CACNA2D3: variants seen among roughly 807,000 people sequenced by gnomAD.
The protein encoded by CACNA2D3 is voltage-dependent calcium channel subunit alpha-2/delta-3.
In CACNA2D3, 60 loss-of-function variants were observed where a neutral mutation model predicts 160.6. That is an observed-to-expected ratio of 0.37 (90% CI 0.30 to 0.46). The LOEUF is 0.46. CACNA2D3 is among the 20% of genes least tolerant of loss of function. The pLI, the probability that CACNA2D3 is intolerant of heterozygous loss-of-function variation, is 1.00. For synonymous variants in CACNA2D3, 558 were observed against 492.9 expected (o/e 1.13, Z -1.75); for missense variants, 1,205 against 1,365.0 (o/e 0.88, Z 1.85).
chr3:54,776,620 G>A (rs1164660823), intron 13 of CACNA2D3, among the ~76,000 whole-genome samples: 1 of 152,210 alleles, frequency 6.6e-6, no homozygotes, highest in Non-Finnish European at 1.5e-5. Context: ...AGAGTCTGAA[G>A]GAGTTGGCAT....
chr3:54,527,134 T>C (rs993514371), intron 5 of CACNA2D3, among the ~76,000 whole-genome samples: 1 of 152,218 alleles, frequency 6.6e-6, no homozygotes, highest in Non-Finnish European at 1.5e-5. Context: ...TATGTCCTCC[T>C]CCCAGCTGTC....
intron 2 of CACNA2D3, among the ~76,000 whole-genome samples, chr3:54,313,460 C>T (rs1331238878): frequency 1.3e-5 from 2 of 152,148 alleles, no homozygotes; most frequent in Non-Finnish European, 2.9e-5. Flanking sequence ...CTCCTACCCT[C>T]AACACCCCTG....
intron 26 of CACNA2D3, among the ~76,000 whole-genome samples, chr3:54,897,233 G>T (rs769161294): frequency 6.6e-6 from 1 of 152,096 alleles, no homozygotes; most frequent in Non-Finnish European, 1.5e-5. Context: ...TCACATCCCT[G>T]CAGAGGTCCA....
intron 3 of CACNA2D3, among the ~76,000 whole-genome samples, chr3:54,369,906 C>T (rs987832592): frequency 1.3e-5 from 2 of 152,146 alleles, no homozygotes; most frequent in East Asian, 1.9e-4. Context: ...GTGCAGACTG[C>T]GATAAGTAAT....
intron 17 of CACNA2D3, among the ~76,000 whole-genome samples, chr3:54,856,518 T>C (rs559672071): frequency 2.6e-5 from 4 of 152,292 alleles, no homozygotes; most frequent in Admixed American, 1.3e-4. Flanking sequence ...GTTGAACACC[T>C]GTCATGTGGC....
At chr3:54,862,930 A>C (rs1012306672) in intron 17 of CACNA2D3, among the ~76,000 whole-genome samples, 3 of 152,236 alleles carry the variant, frequency 2.0e-5, no homozygotes, top group African/African-American at 7.2e-5. Context: ...CTCATATTCA[A>C]AACGGTCTGA....
chr3:54,635,411 C>T (rs891579771), intron 10 of CACNA2D3, among the ~76,000 whole-genome samples: 5 of 151,762 alleles, frequency 3.3e-5, no homozygotes, highest in Non-Finnish European at 5.9e-5. Flanking sequence ...CAGTGTAAAC[C>T]GGCAGTGTAA....
chr3:54,346,583 A>G (rs915934301), intron 3 of CACNA2D3, among the ~76,000 whole-genome samples: 3 of 152,228 alleles, frequency 2.0e-5, no homozygotes, highest in African/African-American at 7.2e-5. Context: ...GAAAGTACAG[A>G]GAACCCCCAT....
intron 31 of CACNA2D3, among the ~76,000 whole-genome samples, chr3:55,003,652 G>T (rs1016794640): frequency 6.6e-6 from 1 of 152,166 alleles, no homozygotes; most frequent in Admixed American, 6.5e-5. Context: ...AAACGAGTGG[G>T]CCTAAATGGT....
chr3:54,827,214 T>G (rs1165355336), intron 14 of CACNA2D3, among the ~76,000 whole-genome samples: 7 of 152,276 alleles, frequency 4.6e-5, no homozygotes, highest in African/African-American at 1.4e-4. Flanking sequence ...CAAGGCACTT[T>G]GCCTTTTTAA....
At chr3:54,904,473 A>T (rs1275490051) in intron 27 of CACNA2D3, among the ~76,000 whole-genome samples, 2 of 152,206 alleles carry the variant, frequency 1.3e-5, no homozygotes, top group Non-Finnish European at 2.9e-5. Flanking sequence ...ACTCAATCCC[A>T]ATATTTGTTA....
chr3:55,034,540 C>T (rs1575445251), intron 35 of CACNA2D3, among the ~76,000 whole-genome samples: 1 of 151,952 alleles, frequency 6.6e-6, no homozygotes, highest in East Asian at 1.9e-4. Context: ...GTAGTACTGG[C>T]TTATGGTAGT....
At chr3:54,674,058 A>G (rs1472717098) in intron 11 of CACNA2D3, among the ~76,000 whole-genome samples, 1 of 152,244 alleles carries the variant, frequency 6.6e-6, no homozygotes, top group Non-Finnish European at 1.5e-5. Context: ...TTTGTCATTA[A>G]TAGTAATAGA....
rs776567124 is a variant in CACNA2D3, at chr3:55,073,873, C to T, written c.3183+14C>T. ...TTCCATCCTGAGGTAAGTCTGAGAA[C>T]TGTTCCTGTTTCCTTTTCCCATCAG... On this transcript the variant is annotated intron_variant, in intron 37 of 37. Coordinates refer to ENST00000474759, the MANE Select transcript of CACNA2D3 (RefSeq NM_018398.3). 6.2e-7 allele frequency: 1 copy of T among 1,604,802 alleles called. No individual in the cohort carries two copies. The highest frequency in any genetic ancestry group is 8.5e-7 in the Non-Finnish European group (1 of 1,172,034).
At chr3:54,317,922 G>A (rs1575391504) in intron 2 of CACNA2D3, among the ~76,000 whole-genome samples, 1 of 152,112 alleles carries the variant, frequency 6.6e-6, no homozygotes, top group African/African-American at 2.4e-5. Context: ...CATGAGGGTG[G>A]AGCCTTCATA....
chr3:54,888,107 A>T (rs368402181), intron 24 of CACNA2D3, 55 bp downstream of exon 24: 243 of 1,299,208 alleles, frequency 1.9e-4, no homozygotes, highest in South Asian at 1.6e-3. Flanking sequence ...AACACTCCGA[A>T]ATATGGTTAT....
At chr3:54,856,838 T>A (rs1226132080) in intron 17 of CACNA2D3, among the ~76,000 whole-genome samples, 1 of 152,198 alleles carries the variant, frequency 6.6e-6, no homozygotes, top group Non-Finnish European at 1.5e-5. Context: ...TGGAGTGCAG[T>A]GGCACAATCT....
chr3:54,863,785 AAG>A (rs1234880368), intron 17 of CACNA2D3, among the ~76,000 whole-genome samples: 4 of 152,264 alleles, frequency 2.6e-5, no homozygotes, highest in Admixed American at 6.5e-5. Context: ...TAATCATACT[AAG>A]AGAGCACATA....
chr3:54,353,527 G>A (rs1297193379), intron 3 of CACNA2D3, among the ~76,000 whole-genome samples: 2 of 151,876 alleles, frequency 1.3e-5, no homozygotes, highest in Admixed American at 6.6e-5. Flanking sequence ...ATTGGAGTTT[G>A]GGAACCACAT....
Sources: allele counts gnomAD v4.1 joint callset (sites outside exome capture counted in the v4.1 genomes callset), GRCh38; gene constraint gnomAD v4.1.1; transcripts MANE v1.5; gene names NCBI Gene and HGNC (gene_info 2026-07-23, HGNC 2026-07-21).